COL9A1: variants seen among roughly 807,000 people sequenced by gnomAD.
The protein encoded by COL9A1 is collagen alpha-1(IX) chain.
In COL9A1, 104 loss-of-function variants were observed where a neutral mutation model predicts 142.6. The ratio of observed to expected loss-of-function variants is 0.73; its 90% CI spans 0.62 to 0.86. The LOEUF (loss-of-function observed/expected upper bound fraction) is 0.86, where lower values mean the gene tolerates loss of function less well. Ranked by LOEUF, COL9A1 falls within the 40% of genes least tolerant of loss-of-function variation. COL9A1 has a pLI of 0.00. For missense variants in COL9A1, 1,210 were observed against 1,176.6 expected (o/e 1.03, Z -0.42); for synonymous variants, 466 against 396.0 (o/e 1.18, Z -2.10).
At chr6:70,274,883 A>G (rs906226741) in intron 10 of COL9A1, 111 bp from the exon 11 acceptor site, 1 of 807,436 alleles carries the variant, frequency 1.2e-6, no homozygotes, top group Non-Finnish European at 2.1e-6. Context: ...TTACATAAGT[A>G]TGATGCAAAT....
Position 70,234,847 on chromosome 6 carries a change from C to G in COL9A1, c.2206G>C (p.Gly736Arg), listed in dbSNP as rs748275516. 2 of 1,614,114 alleles carry G rather than the reference C, an allele frequency of 1.2e-6. No individual in the cohort carries two copies. Among genetic ancestry groups the G allele is most frequent in the Admixed American group, 1.7e-5 (1 of 60,022 alleles). ...EGPRGPPGPR[G>R]VQGEQGATGL... ...GTGGCACCCTGTTCTCCCTGCACAC[C>G]CCGGGGTCCAGGTGGTCCTCTTGGT... The change falls in exon 34 of 38, where the codon GGT becomes CGT. Residue 736 changes from glycine (G) to arginine (R), a missense_variant. Coordinates refer to ENST00000357250, the MANE Select transcript of COL9A1 (RefSeq NM_001851.6).
In COL9A1 at chr6:70,260,659, T is replaced by C; in HGVS notation, c.1447A>G (p.Lys483Glu). The C allele has an allele frequency of 6.2e-7, 1 of 1,613,850 alleles. No homozygotes were observed. The highest frequency in any genetic ancestry group is 8.5e-7 in the Non-Finnish European group (1 of 1,179,860). Reference sequence around the variant, plus strand: ...TATTATTGTCATCACCATCTTACTTTTTCCCCTTTGTCCCCAACTATGCCG... The same window carrying C: ...TATTATTGTCATCACCATCTTACTTCTTCCCCTTTGTCCCCAACTATGCCG... ...ITGIVGDKGE[K>E]GARGLDGEPG... Residue 483 changes from lysine (K) to glutamate (E), a missense_variant and splice_region_variant, in exon 20 of 38, where the codon AAA (lysine) becomes GAA (glutamate). Physicochemically the swap from Lys to Glu is moderately conservative, Grantham distance 56 (BLOSUM62 1). Coordinates refer to ENST00000357250, the MANE Select transcript of COL9A1 (RefSeq NM_001851.6).
chr6:70,287,608 G>A (rs1773507097), intron 5 of COL9A1, among the ~76,000 whole-genome samples: 1 of 150,166 alleles, frequency 6.7e-6, no homozygotes, highest in South Asian at 2.2e-4. Flanking sequence ...CAAAAAAGAT[G>A]TCTACAACTA....
chr6:70,284,609 T>C (rs1463436576), intron 5 of COL9A1, among the ~76,000 whole-genome samples: 1 of 152,004 alleles, frequency 6.6e-6, no homozygotes, highest in African/African-American at 2.4e-5. Flanking sequence ...GCAAGGAAAA[T>C]GTTGCCAGGT....
chr6:70,256,466 A>G (rs995746945), intron 21 of COL9A1, among the ~76,000 whole-genome samples: 6 of 152,214 alleles, frequency 3.9e-5, no homozygotes, highest in Non-Finnish European at 7.3e-5. Context: ...AAGAAAGTAG[A>G]AACAAGATAG....
intron 20 of COL9A1, among the ~76,000 whole-genome samples, chr6:70,257,846 T>C (rs1424912820): frequency 6.6e-6 from 1 of 152,208 alleles, no homozygotes; most frequent in Non-Finnish European, 1.5e-5. Flanking sequence ...GAGGGATTTC[T>C]GGGACTCTGG....
chr6:70,260,746 T>A, intron 19 of COL9A1, 36 bp from the exon 20 acceptor site: 2 of 1,607,542 alleles, frequency 1.2e-6, no homozygotes, highest in Non-Finnish European at 1.7e-6. Flanking sequence ...ATTATTTTAG[T>A]TGAAGCAAAG....
At chr6:70,281,116 G>A in intron 8 of COL9A1, 77 bp from the exon 9 acceptor site, 1 of 1,269,280 alleles carries the variant, frequency 7.9e-7, no homozygotes, top group Non-Finnish European at 1.1e-6. Flanking sequence ...AATCCCAGGA[G>A]AGCTCACTTC....
intron 19 of COL9A1, 81 bp from the exon 20 acceptor site, chr6:70,260,791 A>G: frequency 1.5e-6 from 2 of 1,325,500 alleles, no homozygotes; most frequent in Non-Finnish European, 2.2e-6. Flanking sequence ...GCTGATCTAG[A>G]CAATGGATAT....
In COL9A1 at chr6:70,300,342, G is replaced by T. The variant is rs1293482329; in HGVS notation, c.133C>A (p.Pro45Thr). The T allele has an allele frequency of 8.7e-6, 14 of 1,613,546 alleles. No homozygotes were observed. Among genetic ancestry groups the T allele is most frequent in the Non-Finnish European group, 1.2e-5 (14 of 1,179,768 alleles). The change falls in exon 3 of 38, where the codon CCA becomes ACA. Residue 45 changes from proline (P) to threonine (T), a missense_variant. Physicochemically the swap from Pro to Thr is conservative, Grantham distance 38. Coordinates refer to ENST00000357250, the MANE Select transcript of COL9A1 (RefSeq NM_001851.6). The part of the protein sequence containing the change: ...SNSNGGNELC[P>T]KIRIGQDDLP... ...TCATCTTGGCCAATCCTGATCTTTG[G>T]ACAGAGTTCATTTCCACCATTAGAA... is the stretch of plus-strand genomic sequence containing the variant.
chr6:70,241,485 G>A, intron 30 of COL9A1, 31 bp from the exon 31 acceptor site: 1 of 1,587,298 alleles, frequency 6.3e-7, no homozygotes, highest in Non-Finnish European at 8.6e-7. Context: ...TACTTTTTCA[G>A]TATTTTCAAC....
intron 35 of COL9A1, among the ~76,000 whole-genome samples, chr6:70,233,038 G>A (rs774433918): frequency 7.9e-5 from 12 of 152,174 alleles, no homozygotes; most frequent in African/African-American, 2.9e-4. Context: ...GGTAGCAGGG[G>A]GTGGGATTCA....
At chr6:70,243,352 T>A (rs1343951157) in intron 28 of COL9A1, among the ~76,000 whole-genome samples, 1 of 152,166 alleles carries the variant, frequency 6.6e-6, no homozygotes, top group East Asian at 1.9e-4. Flanking sequence ...ACACCAAAAA[T>A]AATTTTATTT....
chr6:70,282,702 C>T (rs1773240493), intron 7 of COL9A1, among the ~76,000 whole-genome samples, 196 bp downstream of exon 7: 1 of 152,160 alleles, frequency 6.6e-6, no homozygotes, highest in Non-Finnish European at 1.5e-5. Flanking sequence ...GGAGGAGCCC[C>T]CCTTCCTAGA....
At chr6:70,240,810 G>T in intron 31 of COL9A1, 77 bp from the exon 32 acceptor site, 1 of 1,092,988 alleles carries the variant, frequency 9.1e-7, no homozygotes, top group Non-Finnish European at 1.4e-6. Context: ...ACATTGATAA[G>T]CATTCATAAG....
chr6:70,281,260 T>C (rs2127597575), intron 8 of COL9A1, 130 bp downstream of exon 8: 1 of 932,464 alleles, frequency 1.1e-6, no homozygotes, highest in Middle Eastern at 2.9e-4. Context: ...GATCCTGCCT[T>C]TAAGTGGGGT....
chr6:70,228,930 C>T (rs1022946770), intron 36 of COL9A1, among the ~76,000 whole-genome samples: 7 of 152,080 alleles, frequency 4.6e-5, no homozygotes, highest in Non-Finnish European at 8.8e-5. Context: ...AGTGTCATAT[C>T]ACTATAATTC....
At chr6:70,277,730 T>C (rs572037949) in intron 10 of COL9A1, among the ~76,000 whole-genome samples, 21 of 152,328 alleles carry the variant, frequency 1.4e-4, no homozygotes, top group Admixed American at 1.4e-3. Flanking sequence ...CCATTCAACA[T>C]AGGATAATGA....
chr6:70,273,259 A>T (rs925177779), intron 12 of COL9A1, among the ~76,000 whole-genome samples: 6 of 152,156 alleles, frequency 3.9e-5, no homozygotes, highest in Admixed American at 6.6e-5. Flanking sequence ...CAAAGTAATC[A>T]ATAAGTTCTT....
Sources: gnomAD v4.1 joint callset for allele counts (sites outside exome capture counted in the v4.1 genomes callset) on GRCh38, gnomAD v4.1.1 for gene constraint, MANE v1.5 for transcripts, NCBI Gene and HGNC (gene_info 2026-07-23, HGNC 2026-07-21) for gene names.